ZNF521: variants seen among roughly 807,000 people sequenced by gnomAD.
ZNF521 encodes zinc finger protein 521.
Under a neutral mutation model 105.5 loss-of-function variants are expected in ZNF521, and 14 were observed. The observed-to-expected ratio is 0.13, with a 90% CI of 0.09 to 0.21. The LOEUF is 0.21. ZNF521 is among the 10% of genes least tolerant of loss of function. The pLI, the probability that ZNF521 is intolerant of heterozygous loss-of-function variation, is 1.00. For missense variants in ZNF521, 1,233 were observed against 1,629.7 expected (o/e 0.76, Z 4.19); for synonymous variants, 635 against 606.0 (o/e 1.05, Z -0.70).
At chr18:25,289,974 T>C (rs1910921207) in intron 3 of ZNF521, among the ~76,000 whole-genome samples, 1 of 152,198 alleles carries the variant, frequency 6.6e-6, no homozygotes, top group Admixed American at 6.5e-5. Flanking sequence ...TTCTTTATTG[T>C]TGTTTTCATA....
chr18:25,282,864 A>G (rs978639824), intron 3 of ZNF521, among the ~76,000 whole-genome samples: 7 of 152,244 alleles, frequency 4.6e-5, no homozygotes, highest in Non-Finnish European at 1.0e-4. Flanking sequence ...GACAGCAAAG[A>G]ACACAGAAGA....
intron 7 of ZNF521, 135 bp downstream of exon 7, chr18:25,089,330 C>CCTTT: frequency 1.5e-6 from 1 of 660,102 alleles, no homozygotes; most frequent in African/African-American, 1.8e-5. Flanking sequence ...TCTAATTTTC[C>CCTTT]CTTTGCCCCC....
At position 25,225,601 on chromosome 18, in the gene ZNF521, G is replaced by A. The variant is rs929673069; in HGVS notation, c.2317C>T (p.His773Tyr). Residue 773 changes from histidine (H) to tyrosine (Y), a missense_variant, in exon 4 of 8, where the codon CAC becomes TAC. His to Tyr is a moderately conservative substitution (Grantham distance 83). Around this residue, in one of 6 missense-constraint regions of ZNF521, gnomAD observed 614 missense variants for 751.5 expected, o/e 0.82. Transcript: ENST00000361524. The surrounding 1 kb of genome is among the most constrained non-coding windows in gnomAD (Gnocchi z 5.6). Reference sequence around the variant, plus strand: ...TTCCCTTGGTTTTCCAGGTGGTTGTGTTTCACATGGAGCTGCAAGTCAGTT... The same window carrying A: ...TTCCCTTGGTTTTCCAGGTGGTTGTATTTCACATGGAGCTGCAAGTCAGTT... ...NETDLQLHVK[H>Y]NHLENQGKVH... The A allele has an allele frequency of 6.2e-6, 10 of 1,614,066 alleles. No homozygotes were observed. The highest frequency in any genetic ancestry group is 8.5e-6 in the Non-Finnish European group (10 of 1,180,036).
At chr18:25,077,624 C>T (rs1014135428) in intron 7 of ZNF521, among the ~76,000 whole-genome samples, 59 of 152,032 alleles carry the variant, frequency 3.9e-4, no homozygotes, top group African/African-American at 1.3e-3. Flanking sequence ...CCGAAAACGA[C>T]GCCAATGAAA....
In ZNF521 at chr18:25,100,923, T is replaced by C. The variant is rs184869386; in HGVS notation, c.3659-8842A>G. On this transcript the variant is annotated intron_variant, in intron 5 of 7. Transcript: ENST00000361524. ...AAGGTTCAAGGAGGCTCAATTTAAG[T>C]TGGCTTAACTAGTGTGAATTTAATG... Among the ~76,000 whole-genome samples the C allele has an allele frequency of 7.1e-3, 1,087 of 152,294 alleles. 13 individuals carry two copies. The highest frequency in any genetic ancestry group is 0.025 in the African/African-American group (1,021 of 41,556).
intron 2 of ZNF521, among the ~76,000 whole-genome samples, chr18:25,322,842 GA>G (rs1276778725): frequency 2.0e-5 from 3 of 152,106 alleles, no homozygotes; most frequent in African/African-American, 7.2e-5. Context: ...TAAGATATAT[GA>G]AAAACAATTA....
At chr18:25,067,593 T>A (rs1338668196) in intron 7 of ZNF521, among the ~76,000 whole-genome samples, 2 of 152,160 alleles carry the variant, frequency 1.3e-5, no homozygotes, top group African/African-American at 4.8e-5. Context: ...TAAGTAAAAA[T>A]AAAAATCCAT....
chr18:25,072,832 A>C (rs1010889606), intron 7 of ZNF521, among the ~76,000 whole-genome samples: 2 of 152,186 alleles, frequency 1.3e-5, no homozygotes, highest in Non-Finnish European at 2.9e-5. Flanking sequence ...AGTGCTTCAC[A>C]GACAGATGTG....
rs961426379 is a variant in ZNF521 at position 25,350,873 on chromosome 18, G to T, written c.40+34C>A. On this transcript the variant is annotated intron_variant, in intron 2 of 7. Transcript: ENST00000361524. The stretch of plus-strand genomic sequence containing the variant: ...GCTACCCACAGTGACACTCGCGGAT[G>T]GGGGAAAGCGGGGAGCAGGGGGTTC... 5.8e-6 allele frequency: 9 copies of T among 1,545,714 alleles called. No homozygotes were observed. The African/African-American group carries it at 1.2e-4, about 21-fold the overall frequency.
At chr18:25,160,507 GCACA>G (rs141449812) in intron 5 of ZNF521, among the ~76,000 whole-genome samples, 3 of 151,580 alleles carry the variant, frequency 2.0e-5, no homozygotes, top group African/African-American at 7.3e-5. Context: ...CTGCACTTAT[GCACA>G]CACACACACA....
intron 4 of ZNF521, among the ~76,000 whole-genome samples, chr18:25,212,524 A>AAAAAAAAAAAAG (rs1256442253): frequency 8.9e-6 from 1 of 112,050 alleles, no homozygotes; most frequent in African/African-American, 4.2e-5. Flanking sequence ...AAAAAAAAAA[A>AAAAAAAAAAAAG]AAAAAAAAAA....
chr18:25,259,602 G>A (rs911864672), intron 3 of ZNF521, among the ~76,000 whole-genome samples: 7 of 152,098 alleles, frequency 4.6e-5, no homozygotes, highest in African/African-American at 7.2e-5. Flanking sequence ...GGGTGGAGTC[G>A]GGGTCCAGGT....
At chr18:25,080,205 A>G (rs2033462377) in intron 7 of ZNF521, among the ~76,000 whole-genome samples, 1 of 152,198 alleles carries the variant, frequency 6.6e-6, no homozygotes, top group Non-Finnish European at 1.5e-5. Flanking sequence ...CACTCATTCA[A>G]TGAAGTTATC....
intron 5 of ZNF521, among the ~76,000 whole-genome samples, chr18:25,164,765 C>T (rs1428004227): frequency 6.6e-6 from 1 of 152,180 alleles, no homozygotes; most frequent in African/African-American, 2.4e-5. Flanking sequence ...AGGAGGGGGG[C>T]ACTCAATTCA....
intron 3 of ZNF521, among the ~76,000 whole-genome samples, chr18:25,305,462 C>G (rs567178595): frequency 4.6e-5 from 7 of 152,034 alleles, no homozygotes; most frequent in African/African-American, 1.7e-4. Flanking sequence ...ATGACAGGGC[C>G]TTAATTTTTA....
At chr18:25,167,924 T>G (rs538853096) in intron 5 of ZNF521, among the ~76,000 whole-genome samples, 1 of 152,298 alleles carries the variant, frequency 6.6e-6, no homozygotes, top group East Asian at 1.9e-4. Flanking sequence ...TTAAAAGCAT[T>G]TAGAAAATAT....
intron 3 of ZNF521, among the ~76,000 whole-genome samples, chr18:25,253,402 A>C (rs1908251159): frequency 6.6e-6 from 1 of 151,958 alleles, no homozygotes; most frequent in South Asian, 2.1e-4. Context: ...CACATTCAGG[A>C]AAATTTAGGG....
intron 1 of ZNF521, 116 bp downstream of exon 1, chr18:25,351,880 GGCGGCGGCA>G (rs1220806768): frequency 3.7e-6 from 1 of 271,468 alleles, no homozygotes; most frequent in Non-Finnish European, 7.4e-6. Flanking sequence ...CCTCGGCAGC[GGCGGCGGCA>G]GCAGCGGCGG....
rs1555665926 is a variant in ZNF521 at position 25,333,299 on chromosome 18, A to ACACT, written c.41-11113_41-11112insAGTG. On this transcript the variant is annotated intron_variant, in intron 2 of 7. Coordinates refer to ENST00000361524, the MANE Select transcript of ZNF521 (RefSeq NM_015461.3). ...TAAGCATGTGGTTTAATAAGGACAC[A>ACACT]CTCTCTCTCTCTCTCTATATATATA... 4.0e-4 allele frequency among the ~76,000 whole-genome samples: 57 copies of ACACT among 142,900 alleles called. 1 individual carries two copies. Among genetic ancestry groups the ACACT allele is most frequent in the South Asian group, 2.3e-4 (1 of 4,418 alleles). The allele number at this position is 142,900 out of a possible 152,430, so 93.7% of individuals were successfully genotyped here. A position where few individuals can be genotyped will look rare whatever the true frequency, so the allele number is the denominator to read the frequency against.
Sources: gnomAD v4.1 joint callset for allele counts (sites outside exome capture counted in the v4.1 genomes callset) on GRCh38, gnomAD v4.1.1 for gene constraint, gnomAD v4.1.1 regional missense constraint, Gnocchi (gnomAD v3.1) non-coding constraint, MANE v1.5 for transcripts, NCBI Gene and HGNC (gene_info 2026-07-23, HGNC 2026-07-21) for gene names.